The following ARB2A variants were observed in gnomAD, a reference collection of about 807,000 sequenced individuals.
ARB2A encodes cotranscriptional regulator ARB2A.
At chr5:93,766,737 C>T in the ARB2A span, among the ~76,000 whole-genome samples, 2,059 of 152,220 alleles carry the variant, frequency 0.014, 19 homozygotes, top group Non-Finnish European at 0.018. Flanking sequence ...GACACATGCA[C>T]GTGTATGTTT....
At chr5:93,804,691 G>C in the ARB2A span, 1 of 187,868 alleles carries the variant, frequency 5.3e-6, no homozygotes, top group Non-Finnish European at 9.9e-6. Context: ...GGCAGGGATT[G>C]AGGAAGAGTA....
chr5:93,776,184 T>C, the ARB2A span: 2 of 1,610,158 alleles, frequency 1.2e-6, no homozygotes, highest in Non-Finnish European at 1.7e-6. Context: ...GGCAATCAGG[T>C]AGCATGGACT....
the ARB2A span, among the ~76,000 whole-genome samples, chr5:93,778,068 A>G: frequency 6.6e-6 from 1 of 152,338 alleles, no homozygotes; most frequent in South Asian, 2.1e-4. Flanking sequence ...ATGTTCTTAA[A>G]TACTTTCTCT....
chr5:93,891,595 G>A, the ARB2A span, among the ~76,000 whole-genome samples: 1 of 151,974 alleles, frequency 6.6e-6, no homozygotes, highest in African/African-American at 2.4e-5. Context: ...TTCTCATTTT[G>A]TCTTTTTGCT....
the ARB2A span, among the ~76,000 whole-genome samples, chr5:93,860,482 G>T: frequency 2.0e-5 from 3 of 151,428 alleles, no homozygotes; most frequent in Non-Finnish European, 2.9e-5. Context: ...GTAAAGGCAA[G>T]CAAAACCAAA....
At chr5:94,048,832 TTCGAAGCCTGTTTCCTATACAGTTG>T in the ARB2A span, among the ~76,000 whole-genome samples, 1 of 152,184 alleles carries the variant, frequency 6.6e-6, no homozygotes, top group Non-Finnish European at 1.5e-5. Context: ...AACCTCTGTC[TTCGAAGCCTGTTTCCTATACAGTTG>T]TCCTTGAAAA....
the ARB2A span, among the ~76,000 whole-genome samples, chr5:93,806,641 G>A: frequency 5.3e-5 from 8 of 151,830 alleles, no homozygotes; most frequent in Non-Finnish European, 1.2e-4. Flanking sequence ...CATTTAATTC[G>A]CTCCAGAGTT....
chr5:93,662,790 T>C, the ARB2A span, among the ~76,000 whole-genome samples: 2 of 152,194 alleles, frequency 1.3e-5, no homozygotes, highest in Non-Finnish European at 2.9e-5. Flanking sequence ...ATCTTTTGAG[T>C]TTTACTCCAT....
At chr5:93,945,383 G>C in the ARB2A span, among the ~76,000 whole-genome samples, 15,759 of 148,342 alleles carry the variant, frequency 0.11, 956 homozygotes, top group Middle Eastern at 0.16. Flanking sequence ...CCACTGCACT[G>C]CAGCCTGGGC....
the ARB2A span, among the ~76,000 whole-genome samples, chr5:93,794,899 G>A: frequency 1.2e-3 from 190 of 152,310 alleles, no homozygotes; most frequent in African/African-American, 4.4e-3. Flanking sequence ...CAGTCATGAG[G>A]TGGCACTTTC....
chr5:94,011,327 T>G, the ARB2A span, among the ~76,000 whole-genome samples: 1 of 152,174 alleles, frequency 6.6e-6, no homozygotes, highest in Non-Finnish European at 1.5e-5. Context: ...ATGGCTTTAA[T>G]TTTTTCCAAA....
the ARB2A span, among the ~76,000 whole-genome samples, chr5:94,036,715 A>G: frequency 6.6e-6 from 1 of 152,114 alleles, no homozygotes; most frequent in Admixed American, 6.6e-5. Context: ...TTCAACTTTT[A>G]GAAAGGCAAG....
chr5:94,092,459 G>GACTA, the ARB2A span, among the ~76,000 whole-genome samples: 1 of 152,026 alleles, frequency 6.6e-6, no homozygotes. Context: ...GACTATCTAG[G>GACTA]ACTAACTCTA....
chr5:93,948,340 A>G, the ARB2A span, among the ~76,000 whole-genome samples: 2 of 152,030 alleles, frequency 1.3e-5, no homozygotes, highest in African/African-American at 4.8e-5. Flanking sequence ...CATGTCCTTC[A>G]CCCACTTTTT....
chr5:94,062,325 T>C, the ARB2A span, among the ~76,000 whole-genome samples: 1 of 152,114 alleles, frequency 6.6e-6, no homozygotes, highest in Admixed American at 6.5e-5. Context: ...TCACCTTATC[T>C]ACAAAGAAGA....
At chr5:93,884,709 A>G in the ARB2A span, among the ~76,000 whole-genome samples, 1 of 151,732 alleles carries the variant, frequency 6.6e-6, no homozygotes, top group South Asian at 2.1e-4. Flanking sequence ...ATGAGAGTGG[A>G]TTTTAATAAA....
chr5:93,703,586 A>T, the ARB2A span, among the ~76,000 whole-genome samples: 1 of 152,202 alleles, frequency 6.6e-6, no homozygotes, highest in African/African-American at 2.4e-5. Flanking sequence ...GGTTTTTGCG[A>T]ATCAATAAGA....
chr5:93,636,300 ATATT>A, the ARB2A span, among the ~76,000 whole-genome samples: 1 of 152,226 alleles, frequency 6.6e-6, no homozygotes, highest in Non-Finnish European at 1.5e-5. Flanking sequence ...GATAATTGAT[ATATT>A]TAAAATACTG....
the ARB2A span, among the ~76,000 whole-genome samples, chr5:93,760,906 T>C: frequency 1.3e-5 from 2 of 152,174 alleles, no homozygotes; most frequent in African/African-American, 4.8e-5. Context: ...ATACTGGGAC[T>C]TAATTAAACT....
Sources: gnomAD v4.1 joint callset for allele counts (sites outside exome capture counted in the v4.1 genomes callset) on GRCh38, gnomAD v4.1.1 for gene constraint, MANE v1.5 for transcripts, NCBI Gene and HGNC (gene_info 2026-07-23, HGNC 2026-07-21) for gene names.